SLC35F4: variants seen among roughly 807,000 people sequenced by gnomAD.
SLC35F4 encodes solute carrier family 35 member F4.
Under a neutral mutation model 44.2 loss-of-function variants are expected in SLC35F4, and 24 were observed. The observed-to-expected ratio is 0.54, with a 90% CI of 0.39 to 0.76. The LOEUF (loss-of-function observed/expected upper bound fraction) is 0.76, where lower values mean the gene tolerates loss of function less well. Among genes scored for constraint, SLC35F4 ranks in the 30% least tolerant of loss-of-function variants. The probability of loss-of-function intolerance (pLI) is 0.00; values close to 1 mark genes in which losing one functional copy is unlikely to be tolerated. For missense variants in SLC35F4, 562 were observed against 586.1 expected, an observed-to-expected ratio of 0.96 and a Z score of 0.42; for synonymous variants, 238 against 223.6, an observed-to-expected ratio of 1.06 and a Z score of -0.57.
chr14:57,661,479 C>G (rs1279849244), intron 1 of SLC35F4, among the ~76,000 whole-genome samples: 1 of 152,176 alleles, frequency 6.6e-6, no homozygotes, highest in Non-Finnish European at 1.5e-5. Context: ...CTACTTCCAT[C>G]TTTTATAAAC....
intron 1 of SLC35F4, among the ~76,000 whole-genome samples, chr14:57,962,024 G>T (rs1018195808): frequency 1.3e-5 from 2 of 152,206 alleles, no homozygotes; most frequent in African/African-American, 4.8e-5. Context: ...TAAATAAGGG[G>T]ATGAATGGAT....
At chr14:57,747,565 T>C (rs948351518) in intron 1 of SLC35F4, among the ~76,000 whole-genome samples, 6 of 152,150 alleles carry the variant, frequency 3.9e-5, no homozygotes, top group Non-Finnish European at 7.4e-5. Flanking sequence ...CCTTGGGCAA[T>C]CTTGCTCCAT....
At chr14:57,843,274 C>T (rs1395616505) in intron 1 of SLC35F4, among the ~76,000 whole-genome samples, 1 of 152,264 alleles carries the variant, frequency 6.6e-6, no homozygotes, top group East Asian at 1.9e-4. Flanking sequence ...GACTGATACA[C>T]TGTCCTTCCT....
At chr14:57,802,717 G>A (rs2078219486) in intron 1 of SLC35F4, among the ~76,000 whole-genome samples, 1 of 151,996 alleles carries the variant, frequency 6.6e-6, no homozygotes, top group African/African-American at 2.4e-5. Flanking sequence ...AAATCCAAAA[G>A]AAATAGGTAA....
intron 1 of SLC35F4, among the ~76,000 whole-genome samples, chr14:57,901,865 C>T (rs1219132673): frequency 6.6e-6 from 1 of 152,052 alleles, no homozygotes; most frequent in Non-Finnish European, 1.5e-5. Context: ...AGAGACTAAC[C>T]CTAAGCCACC....
In SLC35F4 at chr14:57,949,928, G is replaced by A. The variant is rs192673556; in HGVS notation, n.282+31985C>T. ...TCTGATAGGTTTTCCTTTATAGGTT[G>A]TCTGATGCTTTTGTTTCACAGGTCT... On this transcript the variant is annotated intron_variant and non_coding_transcript_variant, in intron 1 of 1. Transcript: ENST00000556568. 5.4e-3 allele frequency among the ~76,000 whole-genome samples: 822 copies of A among 152,218 alleles called. 7 individuals carry two copies. Among genetic ancestry groups the A allele is most frequent in the African/African-American group, 0.017 (689 of 41,544 alleles).
intron 1 of SLC35F4, among the ~76,000 whole-genome samples, chr14:57,803,006 A>AAG (rs74994950): frequency 0.098 from 13,289 of 135,830 alleles, 1,013 homozygotes; most frequent in African/African-American, 0.17. Flanking sequence ...AAAAAAAAAA[A>AAG]GAAATTGCAG....
At chr14:57,955,486 G>C (rs79599202) in intron 1 of SLC35F4, among the ~76,000 whole-genome samples, 5 of 152,178 alleles carry the variant, frequency 3.3e-5, no homozygotes, top group Non-Finnish European at 7.4e-5. Flanking sequence ...AATAGGAAGA[G>C]AGGAAGTCAA....
At chr14:57,728,607 G>T (rs190976094) in intron 1 of SLC35F4, among the ~76,000 whole-genome samples, 1 of 151,218 alleles carries the variant, frequency 6.6e-6, no homozygotes, top group Non-Finnish European at 1.5e-5. Context: ...ATTCCACTAC[G>T]CCCAGTTAAT....
chr14:57,654,471 T>G (rs1195556462), intron 1 of SLC35F4, among the ~76,000 whole-genome samples: 2 of 152,210 alleles, frequency 1.3e-5, no homozygotes, highest in Non-Finnish European at 2.9e-5. Context: ...ATATACCACA[T>G]TTTCTTTATC....
intron 1 of SLC35F4, among the ~76,000 whole-genome samples, chr14:57,638,308 T>G (rs1881438943): frequency 6.6e-6 from 1 of 152,120 alleles, no homozygotes; most frequent in African/African-American, 2.4e-5. Flanking sequence ...GCACACTGAG[T>G]GCCTTTATGT....
chr14:57,736,653 A>G (rs1048637629), intron 1 of SLC35F4, among the ~76,000 whole-genome samples: 8 of 151,980 alleles, frequency 5.3e-5, no homozygotes, highest in Non-Finnish European at 1.0e-4. Context: ...GGAGCTCTGA[A>G]CTCTACTATT....
intron 1 of SLC35F4, among the ~76,000 whole-genome samples, chr14:57,915,087 G>A (rs1229981739): frequency 2.7e-5 from 4 of 149,724 alleles, no homozygotes; most frequent in Non-Finnish European, 5.9e-5. Context: ...CTTACTGCTT[G>A]TACCTTCTGG....
At chr14:57,900,460 T>C (rs761762403) in intron 1 of SLC35F4, among the ~76,000 whole-genome samples, 6 of 152,182 alleles carry the variant, frequency 3.9e-5, no homozygotes, top group African/African-American at 7.2e-5. Context: ...AACCTGGACC[T>C]GGGGAGGTGG....
At chr14:57,615,955 C>T (rs2071793704) in intron 1 of SLC35F4, among the ~76,000 whole-genome samples, 1 of 152,122 alleles carries the variant, frequency 6.6e-6, no homozygotes, top group Admixed American at 6.5e-5. Flanking sequence ...CTAGATATTT[C>T]TTTTGTCATG....
intron 1 of SLC35F4, among the ~76,000 whole-genome samples, chr14:57,826,345 C>G (rs1883763876): frequency 6.6e-6 from 1 of 152,076 alleles, no homozygotes; most frequent in Non-Finnish European, 1.5e-5. Context: ...TTCCTTACAC[C>G]TTATATAAAA....
intron 1 of SLC35F4, among the ~76,000 whole-genome samples, chr14:57,803,559 T>C (rs1880916203): frequency 6.6e-6 from 1 of 151,264 alleles, no homozygotes; most frequent in African/African-American, 2.4e-5. Flanking sequence ...GAAAACCCCA[T>C]TGTCTCAGCC....
chr14:57,705,779 T>C (rs1048105180), intron 1 of SLC35F4, among the ~76,000 whole-genome samples: 1 of 152,202 alleles, frequency 6.6e-6, no homozygotes, highest in African/African-American at 2.4e-5. Flanking sequence ...CATAACACTT[T>C]TTAATTAAAG....
At chr14:57,579,689 A>G (rs1318985429) in intron 4 of SLC35F4, among the ~76,000 whole-genome samples, 1 of 152,154 alleles carries the variant, frequency 6.6e-6, no homozygotes, top group East Asian at 1.9e-4. Flanking sequence ...CTCATTTACT[A>G]TATCCTCAAA....
Sources: gnomAD v4.1 joint callset for allele counts (sites outside exome capture counted in the v4.1 genomes callset) on GRCh38, gnomAD v4.1.1 for gene constraint, MANE v1.5 for transcripts, NCBI Gene and HGNC (gene_info 2026-07-23, HGNC 2026-07-21) for gene names.